Variants in PPP6R3 observed in about 807,000 individuals in gnomAD.
PPP6R3 encodes the protein protein phosphatase 6 regulatory subunit 3.
PPP6R3 carries 38 observed loss-of-function variants against 110.7 expected under a neutral mutation model. The ratio of observed to expected loss-of-function variants is 0.34; its 90% confidence interval spans 0.26 to 0.45. The LOEUF (loss-of-function observed/expected upper bound fraction) is 0.45, where lower values mean the gene tolerates loss of function less well. Ranked by LOEUF, PPP6R3 falls within the 20% of genes least tolerant of loss-of-function variation. PPP6R3 has a pLI of 1.00. For synonymous variants in PPP6R3, 369 were observed against 373.5 expected (o/e 0.99, Z 0.14); for missense variants, 870 against 1,062.4 (o/e 0.82, Z 2.52).
chr11:68,476,362 C>T (rs1399353635), intron 1 of PPP6R3, among the ~76,000 whole-genome samples: 4 of 149,838 alleles, frequency 2.7e-5, no homozygotes, highest in Non-Finnish European at 5.9e-5. Flanking sequence ...ACTGGGCAGG[C>T]TGAGGCAGGA....
At position 68,614,018 on chromosome 11, in the gene PPP6R3, T is replaced by A; in HGVS notation, c.*901T>A. 2 of 985,644 alleles carry A rather than the reference T, an allele frequency of 2.0e-6. No homozygotes were observed. The highest frequency in any genetic ancestry group is 2.4e-6 in the Non-Finnish European group (2 of 829,900). 61.1% of individuals were successfully genotyped at this position (985,644 alleles called of 1,614,324 possible). On this transcript the variant is annotated 3_prime_UTR_variant, in exon 24 of 24. Transcript: ENST00000393800. ...TGTTAACAAGCATCACCAATGAACA[T>A]TTCAGAGCAATCTGCATATTTAACA...
At chr11:68,507,415 G>C (rs1029535444) in intron 1 of PPP6R3, among the ~76,000 whole-genome samples, 43 of 152,024 alleles carry the variant, frequency 2.8e-4, no homozygotes, top group African/African-American at 9.9e-4. Flanking sequence ...ATGGGAATTA[G>C]GTTATTTATC....
chr11:68,610,137 CCG>C, intron 23 of PPP6R3, 114 bp downstream of exon 23: 4 of 1,393,020 alleles, frequency 2.9e-6, no homozygotes, highest in Non-Finnish European at 3.8e-6. Flanking sequence ...AAGTCTTAGG[CCG>C]CTGACCTGGC....
At chr11:68,466,433 C>CTT (rs906791744) in intron 1 of PPP6R3, among the ~76,000 whole-genome samples, 2,818 of 125,394 alleles carry the variant, frequency 0.022, 158 homozygotes, top group African/African-American at 0.083. Context: ...AGGACATTTT[C>CTT]TTTTTTTTTT....
intron 22 of PPP6R3, among the ~76,000 whole-genome samples, chr11:68,609,257 A>G (rs1188358312): frequency 1.3e-5 from 2 of 152,140 alleles, no homozygotes; most frequent in Admixed American, 1.3e-4. Context: ...CCTTAGGATC[A>G]GCTCTTGGCC....
At chr11:68,468,145 C>T (rs145972783) in intron 1 of PPP6R3, among the ~76,000 whole-genome samples, 2 of 152,296 alleles carry the variant, frequency 1.3e-5, no homozygotes, top group African/African-American at 4.8e-5. Context: ...ATCTCAGCCC[C>T]GGTGATTCCA....
At chr11:68,493,495 C>T (rs2098996130) in intron 1 of PPP6R3, among the ~76,000 whole-genome samples, 2 of 151,034 alleles carry the variant, frequency 1.3e-5, no homozygotes, top group South Asian at 2.1e-4. Flanking sequence ...TGCAATGGTA[C>T]GATCATAGCT....
chr11:68,503,626 G>T (rs1161624588), intron 1 of PPP6R3, among the ~76,000 whole-genome samples: 1 of 152,216 alleles, frequency 6.6e-6, no homozygotes. Flanking sequence ...GTGTACGTGA[G>T]GACAGAAGAG....
At chr11:68,497,069 C>T (rs941231832) in intron 1 of PPP6R3, among the ~76,000 whole-genome samples, 26 of 150,168 alleles carry the variant, frequency 1.7e-4, no homozygotes, top group Admixed American at 1.6e-3. Context: ...TTTTTTGAGA[C>T]GGAGTCTCGC....
intron 1 of PPP6R3, among the ~76,000 whole-genome samples, chr11:68,507,219 T>C (rs2099083114): frequency 6.6e-6 from 1 of 151,976 alleles, no homozygotes; most frequent in Non-Finnish European, 1.5e-5. Flanking sequence ...TTTGGGTGTT[T>C]TGTACTTTTC....
At chr11:68,549,855 T>C (rs983214059) in intron 5 of PPP6R3, among the ~76,000 whole-genome samples, 1 of 152,166 alleles carries the variant, frequency 6.6e-6, no homozygotes, top group Non-Finnish European at 1.5e-5. Flanking sequence ...AAATGTCTTT[T>C]GATTTTGTGG....
At chr11:68,470,418 T>C (rs1366623471) in intron 1 of PPP6R3, among the ~76,000 whole-genome samples, 1 of 150,324 alleles carries the variant, frequency 6.7e-6, no homozygotes, top group Non-Finnish European at 1.5e-5. Flanking sequence ...GAGGCCAGTG[T>C]GGCTGGAGTG....
intron 2 of PPP6R3, among the ~76,000 whole-genome samples, chr11:68,536,544 G>T (rs562910857): frequency 6.6e-6 from 1 of 152,132 alleles, no homozygotes; most frequent in Non-Finnish European, 1.5e-5. Context: ...AGGATTACAG[G>T]TGTGAGCCAC....
intron 16 of PPP6R3, among the ~76,000 whole-genome samples, chr11:68,588,866 A>G (rs1566044417): frequency 6.6e-6 from 1 of 152,006 alleles, no homozygotes; most frequent in Non-Finnish European, 1.5e-5. Flanking sequence ...AATTCAAGTC[A>G]CTGTTCTTAA....
intron 1 of PPP6R3, among the ~76,000 whole-genome samples, chr11:68,513,989 CAT>C (rs1342693553): frequency 6.6e-6 from 1 of 152,164 alleles, no homozygotes; most frequent in Non-Finnish European, 1.5e-5. Context: ...CATCAAAAGA[CAT>C]AGGTTGTAGA....
chr11:68,572,764 C>T (rs2099512518), intron 12 of PPP6R3, among the ~76,000 whole-genome samples: 1 of 151,962 alleles, frequency 6.6e-6, no homozygotes. Flanking sequence ...ATTGCCTGAG[C>T]CCAGGAGTTT....
intron 1 of PPP6R3, among the ~76,000 whole-genome samples, chr11:68,473,693 A>G (rs1313184706): frequency 6.6e-6 from 1 of 152,170 alleles, no homozygotes; most frequent in Non-Finnish European, 1.5e-5. Context: ...GAATTGGAGG[A>G]CACCCACCTG....
In PPP6R3 at chr11:68,613,930, G is replaced by GTT. The variant is rs1944654924; in HGVS notation, c.*815_*816dup. The GTT allele has an allele frequency of 2.2e-6, 2 of 906,756 alleles. No individual in the cohort carries two copies. The highest frequency in any genetic ancestry group is 1.4e-4 in the East Asian group (1 of 7,010). The allele number at this position is 906,756 out of a possible 1,614,324, so 56.2% of individuals were successfully genotyped here. Reference sequence around the variant, plus strand: ...TTTTTTTTTTTTGGCTTTTGTTTTTGTTTGTTTTTTTGTTTCATTTGGTAG... The same window carrying GTT: ...TTTTTTTTTTTTGGCTTTTGTTTTTGTTTTTGTTTTTTTGTTTCATTTGGTAG... On this transcript the variant is annotated 3_prime_UTR_variant, in exon 24 of 24. Coordinates refer to ENST00000393800, the MANE Select transcript of PPP6R3 (RefSeq NM_001164161.2).
chr11:68,521,957 C>A (rs1256927942), intron 2 of PPP6R3, among the ~76,000 whole-genome samples: 3 of 152,122 alleles, frequency 2.0e-5, no homozygotes, highest in Non-Finnish European at 4.4e-5. Flanking sequence ...TATTGATCTG[C>A]AGCAAGGTTT....
Sources: gnomAD v4.1 joint callset for allele counts (sites outside exome capture counted in the v4.1 genomes callset) on GRCh38, gnomAD v4.1.1 for gene constraint, MANE v1.5 for transcripts, NCBI Gene and HGNC (gene_info 2026-07-23, HGNC 2026-07-21) for gene names.